Variants in ITSN1 observed in about 807,000 individuals in gnomAD.
ITSN1 encodes the protein intersectin 1.
ITSN1 carries 58 observed loss-of-function variants against 239.8 expected under a neutral mutation model. That is an observed-to-expected ratio of 0.24 (90% CI 0.20 to 0.30). ITSN1 has a LOEUF of 0.30. Among genes scored for constraint, ITSN1 ranks in the 10% least tolerant of loss-of-function variants. The probability of loss-of-function intolerance (pLI) is 1.00; values close to 1 mark genes in which losing one functional copy is unlikely to be tolerated. For synonymous variants in ITSN1, 780 were observed against 770.8 expected (o/e 1.01, Z -0.20); for missense variants, 1,558 against 2,103.3 (o/e 0.74, Z 5.07).
intron 8 of ITSN1, among the ~76,000 whole-genome samples, chr21:33,759,695 C>T (rs1204732831): frequency 6.6e-6 from 1 of 152,182 alleles, no homozygotes; most frequent in Non-Finnish European, 1.5e-5. Context: ...CACACACGTG[C>T]TCATGTATGC....
In ITSN1 at chr21:33,781,975, C is replaced by G. The variant is rs372285340; in HGVS notation, c.1685-19C>G. 6.4e-7 allele frequency: 1 copy of G among 1,571,132 alleles called. No homozygotes were observed. The highest frequency in any genetic ancestry group is 8.6e-7 in the Non-Finnish European group (1 of 1,163,726). ...CAAATTAAAGTTTTTCTTATCTTTG[C>G]GACGTTTTTCTAAAATAGGAGATTC... On this transcript the variant is annotated intron_variant, in intron 15 of 39. Transcript: ENST00000381318.
At chr21:33,808,461 T>C (rs1454262127) in intron 20 of ITSN1, among the ~76,000 whole-genome samples, 1 of 151,962 alleles carries the variant, frequency 6.6e-6, no homozygotes, top group Non-Finnish European at 1.5e-5. Context: ...GGTGGGCACC[T>C]GTAATCCCAG....
intron 1 of ITSN1, among the ~76,000 whole-genome samples, chr21:33,675,035 G>T (rs1383642465): frequency 6.6e-6 from 1 of 152,082 alleles, no homozygotes; most frequent in Non-Finnish European, 1.5e-5. Flanking sequence ...TTATTATTTG[G>T]TATCTCTTCA....
At chr21:33,824,344 G>A (rs1201461243) in intron 25 of ITSN1, among the ~76,000 whole-genome samples, 1 of 152,192 alleles carries the variant, frequency 6.6e-6, no homozygotes, top group East Asian at 1.9e-4. Context: ...AGTCAGTCTT[G>A]TAGGAGCCAC....
intron 24 of ITSN1, 45 bp downstream of exon 24, chr21:33,819,368 A>G: frequency 7.3e-7 from 1 of 1,378,640 alleles, no homozygotes; most frequent in Non-Finnish European, 1.0e-6. Flanking sequence ...GGTCAAGGAC[A>G]TTGTGTAAAT....
intron 1 of ITSN1, among the ~76,000 whole-genome samples, chr21:33,704,636 C>T (rs1420102564): frequency 1.3e-5 from 2 of 152,064 alleles, no homozygotes; most frequent in African/African-American, 2.4e-5. Context: ...ACTTTCCATT[C>T]GTTATTATAA....
At chr21:33,761,161 C>T (rs550213927) in intron 8 of ITSN1, among the ~76,000 whole-genome samples, 109 of 152,014 alleles carry the variant, frequency 7.2e-4, no homozygotes, top group African/African-American at 2.5e-3. Context: ...CTGCAGCCTC[C>T]GCCTCTGGGG....
intron 1 of ITSN1, among the ~76,000 whole-genome samples, chr21:33,651,701 A>C (rs1156865207): frequency 4.6e-5 from 7 of 152,208 alleles, no homozygotes; most frequent in African/African-American, 1.7e-4. Context: ...TATGGGAATG[A>C]ATCCTTAAAA....
chr21:33,827,947 A>G (rs189808733), intron 26 of ITSN1, among the ~76,000 whole-genome samples: 2 of 152,306 alleles, frequency 1.3e-5, no homozygotes, highest in East Asian at 3.9e-4. Context: ...GTAGTCTAGG[A>G]TTTTATTTTA....
rs769695219 is a variant in ITSN1 at position 33,882,301 on chromosome 21, G to A, written c.4400G>A (p.Gly1467Glu). Residue 1467 changes from glycine to glutamate, a missense_variant, in exon 35 of 40, where the codon GGG becomes GAG. By Grantham distance (98) the Gly-to-Glu change is moderately conservative. This residue lies in a region of ITSN1 where 576 missense variants were observed against 893.3 expected (regional missense o/e 0.64). Coordinates refer to ENST00000381318, the MANE Select transcript of ITSN1 (RefSeq NM_003024.3). The surrounding 1 kb of genome is among the most constrained non-coding windows in gnomAD (Gnocchi z 4.5). ...GGGCCGCGCAAATTTCTGCACAGTG[G>A]GAAGCTCTACAAGGCCAAGAGCAAC... ...CLGPRKFLHS[G>E]KLYKAKSNKE... 1.2e-6 allele frequency: 2 copies of A among 1,614,138 alleles called. No individual in the cohort carries two copies. The highest frequency in any genetic ancestry group is 1.7e-6 in the Non-Finnish European group (2 of 1,180,032).
intron 25 of ITSN1, among the ~76,000 whole-genome samples, chr21:33,824,520 A>G (rs1015423367): frequency 1.3e-5 from 2 of 152,194 alleles, no homozygotes; most frequent in African/African-American, 4.8e-5. Context: ...TGAGAGAGAA[A>G]AGGCTGGCAG....
intron 1 of ITSN1, among the ~76,000 whole-genome samples, chr21:33,668,739 C>T (rs1436492683): frequency 6.6e-6 from 1 of 152,188 alleles, no homozygotes; most frequent in Non-Finnish European, 1.5e-5. Context: ...CCTTAACTCT[C>T]TGTGCATGGC....
chr21:33,775,520 C>G (rs991429648), intron 14 of ITSN1, among the ~76,000 whole-genome samples: 12 of 152,152 alleles, frequency 7.9e-5, no homozygotes, highest in African/African-American at 2.9e-4. Flanking sequence ...ACTAAGGTAG[C>G]CAAGACAGGT....
intron 31 of ITSN1, among the ~76,000 whole-genome samples, chr21:33,864,182 C>G (rs1211503481): frequency 6.6e-6 from 1 of 152,170 alleles, no homozygotes; most frequent in Non-Finnish European, 1.5e-5. Flanking sequence ...TGAAAGCAGC[C>G]AAAGGCATTC....
chr21:33,682,942 A>G (rs1359530584), intron 1 of ITSN1, among the ~76,000 whole-genome samples: 1 of 152,178 alleles, frequency 6.6e-6, no homozygotes, highest in Non-Finnish European at 1.5e-5. Context: ...TAAAGGTCGT[A>G]GATGAAATAG....
intron 16 of ITSN1, among the ~76,000 whole-genome samples, chr21:33,783,352 A>G (rs2070364529): frequency 6.6e-6 from 1 of 152,220 alleles, no homozygotes; most frequent in Middle Eastern, 3.2e-3. Context: ...TAGACATCTG[A>G]GTTTGAGGTA....
intron 28 of ITSN1, among the ~76,000 whole-genome samples, chr21:33,835,225 G>T (rs2074534692): frequency 6.6e-6 from 1 of 152,140 alleles, no homozygotes; most frequent in South Asian, 2.1e-4. Flanking sequence ...ACTTTGTGAT[G>T]AGCCGCAGTC....
chr21:33,665,136 G>C (rs1273289217), intron 1 of ITSN1, among the ~76,000 whole-genome samples: 1 of 152,100 alleles, frequency 6.6e-6, no homozygotes. Context: ...GGTGGCGGGT[G>C]CTTGTAATCC....
At position 33,781,514 on chromosome 21, in the gene ITSN1, C is replaced by A. The variant is rs761035834; in HGVS notation, c.1650C>A (p.Asp550Glu). The part of the protein sequence containing the change: ...RLIPEKQILN[D>E]QLKQVQQNSL... ...TTCCAGAAAAACAGATACTCAATGA[C>A]CAATTAAAACAAGTTCAGCAGAACA... is the stretch of plus-strand genomic sequence containing the variant. The change falls in exon 15 of 40, where the codon GAC becomes GAA. Residue 550 changes from aspartate (D) to glutamate (E), a missense_variant. Coordinates refer to ENST00000381318, the MANE Select transcript of ITSN1 (RefSeq NM_003024.3). 1 of 1,590,964 alleles carries A rather than the reference C, an allele frequency of 6.3e-7. No homozygotes were observed. The highest frequency in any genetic ancestry group is 1.8e-5 in the Admixed American group (1 of 56,030).
Sources: gnomAD v4.1 joint callset for allele counts (sites outside exome capture counted in the v4.1 genomes callset) on GRCh38, gnomAD v4.1.1 for gene constraint, gnomAD v4.1.1 regional missense constraint, Gnocchi (gnomAD v3.1) non-coding constraint, MANE v1.5 for transcripts, NCBI Gene and HGNC (gene_info 2026-07-23, HGNC 2026-07-21) for gene names.